TOP1MT: variants seen among roughly 807,000 people sequenced by gnomAD.
TOP1MT encodes DNA topoisomerase I, mitochondrial.
A neutral mutation model predicts 73.9 loss-of-function variants in TOP1MT; 80 were observed. The observed-to-expected ratio is 1.08, with a 90% CI of 0.90 to 1.30. TOP1MT has a LOEUF of 1.30. Among genes scored for constraint, TOP1MT ranks in the 50% most tolerant of loss-of-function variants. The pLI is 0.00. For synonymous variants in TOP1MT, 338 were observed against 326.4 expected, an observed-to-expected ratio of 1.04 and a Z score of -0.38; for missense variants, 815 against 808.0, an observed-to-expected ratio of 1.01 and a Z score of -0.10.
At chr8:143,359,517 G>C (rs1217761938), upstream of TOP1MT, 19 of 786,108 alleles carry the variant, frequency 2.4e-5, no homozygotes, top group Non-Finnish European at 2.8e-5. Flanking sequence ...AGAAAGTCAG[G>C]AGCCAAGGGA....
At position 143,315,534 on chromosome 8, in the gene TOP1MT, C is replaced by T. The variant is rs572164352; in HGVS notation, c.1553+193G>A. Among the ~76,000 whole-genome samples, 21 of 152,230 alleles carry T rather than the reference C, an allele frequency of 1.4e-4. No homozygotes were observed. In the East Asian group the frequency reaches 3.7e-3, roughly 27 times the overall value. ...CATTCGGGGCCACTACCAGTCTCCG[C>T]GTCTTGGTGGTAGTGGTCCCCCGGG... On this transcript the variant is annotated intron_variant, in intron 12 of 13. Coordinates refer to ENST00000329245, the MANE Select transcript of TOP1MT (RefSeq NM_052963.3).
At chr8:143,321,681 A>G (rs1200841836) in intron 7 of TOP1MT, among the ~76,000 whole-genome samples, 1 of 111,634 alleles carries the variant, frequency 9.0e-6, no homozygotes, top group African/African-American at 3.8e-5. Flanking sequence ...CCACACACGC[A>G]CGCCACGCAC....
At position 143,323,917 on chromosome 8, in the gene TOP1MT, C is replaced by CGCCACACTGCACCATCCAACTG. The variant is rs1816629465; in HGVS notation, c.960+60_960+81dup. ...TTCCACCCCACACACAGGCCCACGT[C>CGCCACACTGCACCATCCAACTG]GCCACACTGCACCATCCAACTGGGA... On this transcript the variant is annotated intron_variant, in intron 7 of 13. Transcript: ENST00000329245. 4 of 1,529,396 alleles carry CGCCACACTGCACCATCCAACTG rather than the reference C, an allele frequency of 2.6e-6. No homozygotes were observed. The East Asian group carries it at 9.1e-5, about 35-fold the overall frequency. The allele number at this position is 1,529,396 out of a possible 1,614,324, so 94.7% of individuals were successfully genotyped here.
chr8:143,314,229 C>T (rs768992888), intron 12 of TOP1MT, among the ~76,000 whole-genome samples: 1 of 152,144 alleles, frequency 6.6e-6, no homozygotes, highest in Non-Finnish European at 1.5e-5. Context: ...ACCTCCTTGG[C>T]GGCCAGGGTC....
At chr8:143,340,950 G>A (rs952585182) in intron 2 of TOP1MT, among the ~76,000 whole-genome samples, 4 of 151,982 alleles carry the variant, frequency 2.6e-5, no homozygotes, top group African/African-American at 4.8e-5. Flanking sequence ...CTCGTCCTCC[G>A]TGCTGGGGTG....
intron 7 of TOP1MT, among the ~76,000 whole-genome samples, chr8:143,322,268 C>CCA (rs1253692312): frequency 2.6e-5 from 1 of 38,438 alleles, no homozygotes; most frequent in Non-Finnish European, 4.8e-5. Flanking sequence ...CACACACACG[C>CCA]CACACACATG....
At chr8:143,321,810 TACAC>T (rs1213693512) in intron 7 of TOP1MT, among the ~76,000 whole-genome samples, 4 of 6,560 alleles carry the variant, frequency 6.1e-4, no homozygotes, top group Non-Finnish European at 8.9e-4. Context: ...ACACGCACGC[TACAC>T]ACACACGCAC....
chr8:143,338,055 A>G (rs1250166956), upstream of TOP1MT, among the ~76,000 whole-genome samples: 2 of 152,140 alleles, frequency 1.3e-5, no homozygotes, highest in Non-Finnish European at 2.9e-5. Context: ...CCGGATCTTG[A>G]GAGGCGATTC....
At chr8:143,325,590 A>T in intron 4 of TOP1MT, 57 bp from the exon 5 acceptor site, 1 of 1,532,002 alleles carries the variant, frequency 6.5e-7, no homozygotes, top group Non-Finnish European at 8.9e-7. Flanking sequence ...AACAGGCCTC[A>T]GTCCGTTGTT....
rs1382843247 is a variant in TOP1MT at position 143,341,804 on chromosome 8, C to T, written c.29+1416G>A. 6.6e-6 allele frequency among the ~76,000 whole-genome samples: 1 copy of T among 152,102 alleles called. No homozygotes were observed. The highest frequency in any genetic ancestry group is 1.5e-5 in the Non-Finnish European group (1 of 68,008). Reference sequence around the variant, plus strand: ...GAGCACTATCCCGACACCACTGCCCCATCTAGTGCTTCCTTCTTCCTTCTT... The same window carrying T: ...GAGCACTATCCCGACACCACTGCCCTATCTAGTGCTTCCTTCTTCCTTCTT... On this transcript the variant is annotated intron_variant, in intron 2 of 5. Transcript: ENST00000518007. This position sits in a 1 kb window ranked among gnomAD's most constrained non-coding sequence, Gnocchi z 4.1.
chr8:143,325,862 G>C (rs1481568666), intron 4 of TOP1MT, among the ~76,000 whole-genome samples: 2 of 152,250 alleles, frequency 1.3e-5, no homozygotes, highest in Non-Finnish European at 2.9e-5. Context: ...TCCCTGAGAA[G>C]GCCACATGGA....
At chr8:143,352,817 G>C (rs555044705) in intron 1 of TOP1MT, among the ~76,000 whole-genome samples, 1 of 152,288 alleles carries the variant, frequency 6.6e-6, no homozygotes, top group South Asian at 2.1e-4. Context: ...TCAAGTCACA[G>C]CCTCACTTCA....
At chr8:143,334,888 A>C, upstream of TOP1MT, 1 of 1,400,740 alleles carries the variant, frequency 7.1e-7, no homozygotes, top group South Asian at 1.4e-5. Flanking sequence ...AAGAGCGACA[A>C]GCTGGGCCCC....
chr8:143,310,279 G>C, intron 12 of TOP1MT, 62 bp from the exon 13 acceptor site: 1 of 1,325,728 alleles, frequency 7.5e-7, no homozygotes, highest in South Asian at 1.5e-5. Context: ...GAGGAGACCT[G>C]CACTTCTCTG....
intron 2 of TOP1MT, chr8:143,343,058 G>A: frequency 2.4e-6 from 1 of 408,632 alleles, no homozygotes; most frequent in Admixed American, 2.6e-5. Context: ...ACCACGCCTG[G>A]CCTGCTAACT....
intron 13 of TOP1MT, 30 bp from the exon 14 acceptor site, chr8:143,309,573 C>G: frequency 6.2e-7 from 1 of 1,611,880 alleles, no homozygotes; most frequent in Non-Finnish European, 8.5e-7. Flanking sequence ...CCCAGGCAAG[C>G]AGGCAACTCA....
At chr8:143,328,914 G>C (rs1237738959) in intron 3 of TOP1MT, among the ~76,000 whole-genome samples, 1 of 152,160 alleles carries the variant, frequency 6.6e-6, no homozygotes, top group Non-Finnish European at 1.5e-5. Flanking sequence ...AAATGAGCAA[G>C]GAAAAAGCCT....
At chr8:143,348,615 G>A (rs1017770304), upstream of TOP1MT, among the ~76,000 whole-genome samples, 2 of 150,904 alleles carry the variant, frequency 1.3e-5, no homozygotes, top group African/African-American at 4.9e-5. This position sits in a 1 kb window ranked among gnomAD's most constrained non-coding sequence, Gnocchi z 4.6. Context: ...GTGGGGGGGG[G>A]TGGGGGCCCT....
chr8:143,336,154 G>C (rs1816978278), upstream of TOP1MT, among the ~76,000 whole-genome samples: 1 of 152,312 alleles, frequency 6.6e-6, no homozygotes, highest in African/African-American at 2.4e-5. Flanking sequence ...GGTTTCTAAG[G>C]GTTTTTGATT....
Sources: gnomAD v4.1 joint callset for allele counts (sites outside exome capture counted in the v4.1 genomes callset) on GRCh38, gnomAD v4.1.1 for gene constraint, Gnocchi (gnomAD v3.1) non-coding constraint, MANE v1.5 for transcripts, NCBI Gene and HGNC (gene_info 2026-07-23, HGNC 2026-07-21) for gene names.